SGO2: variants seen among roughly 807,000 people sequenced by gnomAD.
SGO2 encodes the protein shugoshin-like 2.
In SGO2, 68 loss-of-function variants were observed where a neutral mutation model predicts 99.5. The observed-to-expected ratio is 0.68, with a 90% CI of 0.56 to 0.84. The LOEUF is 0.84. Ranked by LOEUF, SGO2 falls within the 40% of genes least tolerant of loss-of-function variation. The pLI is 0.00. For missense variants in SGO2, 1,350 were observed against 1,436.7 expected (o/e 0.94, Z 0.97); for synonymous variants, 457 against 487.1 (o/e 0.94, Z 0.81).
At position 200,535,033 on chromosome 2, in the gene SGO2, C is replaced by T; in HGVS notation, c.171C>T (p.Asn57=). 6.5e-7 allele frequency: 1 copy of T among 1,542,274 alleles called. No homozygotes were observed. Among genetic ancestry groups the T allele is most frequent in the South Asian group, 1.3e-5 (1 of 78,838 alleles). The change falls in exon 3 of 9, where the codon AAC becomes AAT. Residue 57 remains asparagine (N), a synonymous_variant. Transcript: ENST00000357799. The stretch of plus-strand genomic sequence containing the variant: ...TTTTCAAAATATCTTTAAAGCACAA[C>T]AACAGGGCATTAGCTCAGGCTCTTA... ...SSIFKISLKH[N]NRALAQALSR... is the part of the protein sequence containing the mutation.
chr2:200,576,167 A>G (rs553707612), intron 8 of SGO2: 3 of 307,004 alleles, frequency 9.8e-6, no homozygotes, highest in South Asian at 5.3e-5. Flanking sequence ...TGGCAGTAAT[A>G]TAAGGCAGGG....
At chr2:200,544,507 C>T (rs1475734995) in intron 5 of SGO2, among the ~76,000 whole-genome samples, 1 of 152,184 alleles carries the variant, frequency 6.6e-6, no homozygotes, top group East Asian at 1.9e-4. Flanking sequence ...ATCTCCAACT[C>T]CTGACCTCCA....
Position 200,571,139 on chromosome 2 carries a change from C to A in SGO2, c.793C>A (p.Pro265Thr), listed in dbSNP as rs761916738. 32 of 1,613,404 alleles carry A rather than the reference C, an allele frequency of 2.0e-5. No individual in the cohort carries two copies. In the South Asian group the frequency reaches 3.4e-4, roughly 17 times the overall value. The change falls in exon 7 of 9, where the codon CCA (proline) becomes ACA (threonine). Residue 265 changes from proline (P) to threonine (T), a missense_variant. Transcript: ENST00000357799. Reference sequence around the variant, plus strand: ...GTCTATTGGCCGCAGATGGGAGAAACCATCTCCTAGTAATGTGACTGAAAG... The same window carrying A: ...GTCTATTGGCCGCAGATGGGAGAAAACATCTCCTAGTAATGTGACTGAAAG... ...AQSIGRRWEKPSPSNVTERKK... is the reference protein window; with the variant it reads ...AQSIGRRWEKTSPSNVTERKK...
At chr2:200,554,984 A>G (rs979552580) in intron 5 of SGO2, among the ~76,000 whole-genome samples, 6 of 152,310 alleles carry the variant, frequency 3.9e-5, no homozygotes, top group Admixed American at 3.3e-4. Flanking sequence ...ATGGAAAGAC[A>G]GAATAATACC....
rs897402284 is a variant in SGO2 at position 200,568,252 on chromosome 2, C to T, written c.474-1411C>T. Among the ~76,000 whole-genome samples the T allele has an allele frequency of 6.6e-5, 10 of 152,216 alleles. No individual in the cohort carries two copies. The East Asian group carries it at 1.9e-3, about 29-fold the overall frequency. On this transcript the variant is annotated intron_variant, in intron 5 of 8. Coordinates refer to ENST00000357799, the MANE Select transcript of SGO2 (RefSeq NM_152524.6). Reference sequence around the variant, plus strand: ...TTTTTATGTACTTATTGGCCATTTGCGTATCAAGATCATTCTCTTTTGATT... The same window carrying T: ...TTTTTATGTACTTATTGGCCATTTGTGTATCAAGATCATTCTCTTTTGATT...
chr2:200,547,585 AAT>A (rs1173398950), intron 5 of SGO2, among the ~76,000 whole-genome samples: 6 of 152,210 alleles, frequency 3.9e-5, no homozygotes, highest in Non-Finnish European at 8.8e-5. Context: ...GTTAATAGAT[AAT>A]ATAAAAATAT....
Position 200,573,070 on chromosome 2 carries a change from T to A in SGO2, c.2724T>A (p.Asn908Lys), listed in dbSNP as rs1239214894. The A allele has an allele frequency of 6.4e-7, 1 of 1,574,362 alleles. No homozygotes were observed. The highest frequency in any genetic ancestry group is 8.6e-7 in the Non-Finnish European group (1 of 1,168,730). Residue 908 changes from asparagine to lysine, a missense_variant, in exon 7 of 9, where the codon AAT (asparagine) becomes AAA (lysine). Physicochemically the swap from Asn to Lys is moderately conservative, Grantham distance 94 (BLOSUM62 0). Coordinates refer to ENST00000357799, the MANE Select transcript of SGO2 (RefSeq NM_152524.6). ...AATCAAAAATAAATAAGCTCAGGAATAAAGTGAATTGGAAGACAGAAATAA... is the reference window on the plus strand; with the variant it reads ...AATCAAAAATAAATAAGCTCAGGAAAAAAGTGAATTGGAAGACAGAAATAA... Reference protein sequence around the residue: ...QNESKINKLRNKVNWKTEIIS... With the variant: ...QNESKINKLRKKVNWKTEIIS...
chr2:200,549,554 C>A (rs2032374782), intron 5 of SGO2, among the ~76,000 whole-genome samples: 1 of 152,098 alleles, frequency 6.6e-6, no homozygotes, highest in African/African-American at 2.4e-5. Context: ...GAACATTCAC[C>A]ATGATCAAGT....
intron 5 of SGO2, among the ~76,000 whole-genome samples, chr2:200,557,249 G>A (rs1251536217): frequency 2.6e-5 from 4 of 152,162 alleles, no homozygotes; most frequent in South Asian, 2.1e-4. Context: ...CATAAGTTGG[G>A]CCTCAAACTG....
At chr2:200,567,926 A>G (rs1175750301) in intron 5 of SGO2, among the ~76,000 whole-genome samples, 2 of 152,210 alleles carry the variant, frequency 1.3e-5, no homozygotes, top group Non-Finnish European at 2.9e-5. Flanking sequence ...ACATTCATGT[A>G]CAAATTTTTG....
chr2:200,548,134 C>T (rs968387301), intron 5 of SGO2, among the ~76,000 whole-genome samples: 1 of 149,216 alleles, frequency 6.7e-6, no homozygotes, highest in African/African-American at 2.5e-5. Context: ...ACACTAGATA[C>T]AATAGGTCTA....
intron 8 of SGO2, among the ~76,000 whole-genome samples, chr2:200,582,918 C>CTAGATATATA (rs1407645062): frequency 3.1e-4 from 47 of 152,254 alleles, no homozygotes; most frequent in African/African-American, 1.1e-3. Context: ...ATAAAGATAT[C>CTAGATATATA]TATCAAACAG....
At chr2:200,531,409 G>A (rs2031374375) in intron 1 of SGO2, among the ~76,000 whole-genome samples, 1 of 152,144 alleles carries the variant, frequency 6.6e-6, no homozygotes, top group Non-Finnish European at 1.5e-5. Context: ...TTAGGGAGGA[G>A]GGAAGATGAA....
intron 4 of SGO2, among the ~76,000 whole-genome samples, chr2:200,537,827 A>C (rs2031763703): frequency 1.3e-5 from 2 of 152,158 alleles, no homozygotes; most frequent in South Asian, 4.1e-4. Flanking sequence ...GGATGTCTAA[A>C]AGCCATCTCA....
Position 200,535,014 on chromosome 2 carries a change from A to G in SGO2, c.152A>G (p.Lys51Arg). Residue 51 changes from lysine to arginine, a missense_variant, in exon 3 of 9, where the codon AAA (lysine) becomes AGA (arginine). Transcript: ENST00000357799. ...TKILNNSSIF[K>R]ISLKHNNRAL... ...TTTACAGATAATTCTTCTATTTTCA[A>G]AATATCTTTAAAGCACAACAACAGG... 1 of 1,529,776 alleles carries G rather than the reference A, an allele frequency of 6.5e-7. No individual in the cohort carries two copies. Among genetic ancestry groups the G allele is most frequent in the East Asian group, 2.6e-5 (1 of 39,194 alleles). 94.8% of individuals were successfully genotyped at this position (1,529,776 alleles called of 1,614,324 possible).
At chr2:200,544,321 A>T (rs926804679) in intron 5 of SGO2, among the ~76,000 whole-genome samples, 36 of 152,122 alleles carry the variant, frequency 2.4e-4, no homozygotes, top group Non-Finnish European at 5.0e-4. Context: ...TTGCTCTGTC[A>T]CCCAAGCTGG....
At chr2:200,576,363 GCCAGGAGTTCAAGA>G (rs2033663558) in intron 8 of SGO2, among the ~76,000 whole-genome samples, 1 of 151,748 alleles carries the variant, frequency 6.6e-6, no homozygotes, top group South Asian at 2.1e-4. Flanking sequence ...ATTGCATGAG[GCCAGGAGTTCAAGA>G]CCAGCCTGGC....
intron 8 of SGO2, among the ~76,000 whole-genome samples, chr2:200,578,884 A>T (rs2106353170): frequency 6.6e-6 from 1 of 152,262 alleles, no homozygotes; most frequent in East Asian, 1.9e-4. Flanking sequence ...AATGAATCTT[A>T]GGATGGTATT....
At chr2:200,547,629 G>A (rs370466537) in intron 5 of SGO2, among the ~76,000 whole-genome samples, 7 of 152,100 alleles carry the variant, frequency 4.6e-5, no homozygotes, top group African/African-American at 1.7e-4. Context: ...ACAAAATGTT[G>A]GAGGGTGGAG....
Sources: allele counts gnomAD v4.1 joint callset (sites outside exome capture counted in the v4.1 genomes callset), GRCh38; gene constraint gnomAD v4.1.1; transcripts MANE v1.5; gene names NCBI Gene and HGNC (gene_info 2026-07-23, HGNC 2026-07-21).